The following SMARCA2 variants were observed in gnomAD, a reference collection of about 807,000 sequenced individuals.
SMARCA2 encodes the protein SWI/SNF-related matrix-associated actin-dependent regulator of chromatin subfamily A member 2.
A neutral mutation model predicts 199.8 loss-of-function variants in SMARCA2; 61 were observed. The observed-to-expected ratio is 0.31, with a 90% CI of 0.25 to 0.38. The LOEUF (loss-of-function observed/expected upper bound fraction) is 0.38, where lower values mean the gene tolerates loss of function less well. Ranked by LOEUF, SMARCA2 falls within the 10% of genes least tolerant of loss-of-function variation. The probability of loss-of-function intolerance (pLI) is 1.00; values close to 1 mark genes in which losing one functional copy is unlikely to be tolerated. For missense variants in SMARCA2, 1,344 were observed against 2,012.2 expected, an observed-to-expected ratio of 0.67 and a Z score of 6.35; for synonymous variants, 935 against 732.0, an observed-to-expected ratio of 1.28 and a Z score of -4.48.
At chr9:2,075,064 A>G (rs921540460) in intron 12 of SMARCA2, 2 of 152,416 alleles carry the variant, frequency 1.3e-5, no homozygotes, top group African/African-American at 4.8e-5. Context: ...CCTAGCCAGC[A>G]GGTGCCATCC....
intron 27 of SMARCA2, among the ~76,000 whole-genome samples, chr9:2,154,787 T>G (rs1169983875): frequency 6.6e-6 from 1 of 152,254 alleles, no homozygotes. Flanking sequence ...TTTGTGAGCA[T>G]TAAAACTATA....
intron 33 of SMARCA2, chr9:2,191,937 T>C (rs10811627): frequency 0.083 from 12,700 of 153,562 alleles, 678 homozygotes; most frequent in East Asian, 0.17. Context: ...AATAGGTACC[T>C]CCCTGTGTGG....
intron 27 of SMARCA2, among the ~76,000 whole-genome samples, chr9:2,124,178 T>TTTC (rs1823587960): frequency 6.6e-6 from 1 of 152,216 alleles, no homozygotes; most frequent in Non-Finnish European, 1.5e-5. Context: ...GCAGGATTTT[T>TTTC]TGCTAGAGCA....
chr9:2,038,795 C>A (rs545812372), intron 3 of SMARCA2, among the ~76,000 whole-genome samples: 15 of 152,292 alleles, frequency 9.8e-5, no homozygotes, highest in Admixed American at 2.0e-4. Flanking sequence ...GAGAACCCAA[C>A]TGTGACAGTT....
chr9:2,098,896 G>A (rs992730798), intron 21 of SMARCA2, among the ~76,000 whole-genome samples: 3 of 151,014 alleles, frequency 2.0e-5, no homozygotes, highest in Non-Finnish European at 2.9e-5. Context: ...GCAGTGAGCC[G>A]AGATCGCACC....
chr9:2,044,565 G>A (rs1481266020), intron 4 of SMARCA2: 3 of 152,228 alleles, frequency 2.0e-5, no homozygotes, highest in Non-Finnish European at 4.4e-5. Flanking sequence ...GGTTGAACAG[G>A]TAGACACTGT....
Position 2,017,538 on chromosome 9 carries a change from G to C in SMARCA2, c.-37+2134G>C, listed in dbSNP as rs1474753670. ...GAGGGCTGGTGGGGGTGGCGTGTGCGTGTGGTTGTGAGTGTGTGTGTGTGC... is the reference window on the plus strand; with the variant it reads ...GAGGGCTGGTGGGGGTGGCGTGTGCCTGTGGTTGTGAGTGTGTGTGTGTGC... On this transcript the variant is annotated intron_variant, in intron 1 of 33. Transcript: ENST00000349721. The surrounding 1 kb of genome is among the most constrained non-coding windows in gnomAD (Gnocchi z 8.8). The C allele has an allele frequency of 1.3e-5, 2 of 152,950 alleles. No individual in the cohort carries two copies. Among genetic ancestry groups the C allele is most frequent in the African/African-American group, 4.8e-5 (2 of 41,452 alleles). 9.5% of individuals were successfully genotyped at this position (152,950 alleles called of 1,614,324 possible).
chr9:2,095,134 G>GGAGT (rs1253051037), intron 19 of SMARCA2, among the ~76,000 whole-genome samples: 1 of 149,646 alleles, frequency 6.7e-6, no homozygotes, highest in Non-Finnish European at 1.5e-5. Context: ...CACCCAGGCT[G>GGAGT]GAGTGCAGTG....
At chr9:2,078,643 C>G (rs1199580454) in intron 14 of SMARCA2, among the ~76,000 whole-genome samples, 1 of 151,926 alleles carries the variant, frequency 6.6e-6, no homozygotes, top group Non-Finnish European at 1.5e-5. Flanking sequence ...ATGAATTGTT[C>G]CTTAAAAATT....
chr9:2,087,705 G>A (rs1346710050), intron 18 of SMARCA2, among the ~76,000 whole-genome samples: 1 of 152,146 alleles, frequency 6.6e-6, no homozygotes, highest in Non-Finnish European at 1.5e-5. Context: ...TGCAAGAAAA[G>A]AAATGGGCAC....
rs372976069 is a variant in SMARCA2, at chr9:2,192,730, T to A, written c.4764T>A (p.Asp1588Glu). The A allele has an allele frequency of 1.6e-5, 25 of 1,609,212 alleles. No individual in the cohort carries two copies. The highest frequency in any genetic ancestry group is 8.3e-5 in the Admixed American group (5 of 60,000). Residue 1588 changes from aspartate (D) to glutamate (E), a missense_variant, in exon 34 of 34, where the codon GAT becomes GAA. Transcript: ENST00000349721. ...AACAGTCAGAAGGAAGTGGGACGGA[T>A]GATGAGTGATCAGTATGGACCTTTT... Reference protein sequence around the residue: ...EREQSEGSGTDDE With the variant: ...EREQSEGSGTEDE
At chr9:2,032,226 T>C (rs1396741909) in intron 2 of SMARCA2, among the ~76,000 whole-genome samples, 11 of 152,372 alleles carry the variant, frequency 7.2e-5, no homozygotes, top group Admixed American at 4.6e-4. Flanking sequence ...CTTTTCCTTT[T>C]TCAAACACAT....
At position 2,169,497 on chromosome 9, in the gene SMARCA2, C is replaced by T. The variant is rs1213567894; in HGVS notation, c.4200-922C>T. On this transcript the variant is annotated intron_variant, in intron 28 of 33. Coordinates refer to ENST00000349721, the MANE Select transcript of SMARCA2 (RefSeq NM_003070.5). The surrounding 1 kb of genome is among the most constrained non-coding windows in gnomAD (Gnocchi z 6.5). ...AGAATTCTGTGTATTTTGAAGCGAG[C>T]ACATGCGCTTCCACCCCTCTGTTGA... Among the ~76,000 whole-genome samples the T allele has an allele frequency of 6.6e-6, 1 of 152,186 alleles. No individual in the cohort carries two copies. Among genetic ancestry groups the T allele is most frequent in the Non-Finnish European group, 1.5e-5 (1 of 68,036 alleles).
chr9:2,076,235 G>C lies in SMARCA2; in HGVS notation c.1942G>C (p.Glu648Gln). 1 of 1,587,298 alleles carries C rather than the reference G, an allele frequency of 6.3e-7. No homozygotes were observed. The highest frequency in any genetic ancestry group is 8.7e-7 in the Non-Finnish European group (1 of 1,155,866). ...SDSDYEEEDE[E>Q]EESSRQETEE... ...ATCTTTGTTCCTTTTCCAGGATGAG[G>C]AAGAAGAGTCCAGTAGGCAGGAAAC... The change falls in exon 13 of 34, where the codon GAA becomes CAA. Residue 648 changes from glutamate to glutamine, a missense_variant. Transcript: ENST00000349721.
chr9:2,015,821 G>C (rs1818330252), intron 1 of SMARCA2: 1 of 152,258 alleles, frequency 6.6e-6, no homozygotes, highest in South Asian at 2.1e-4. Context: ...ACACACATTG[G>C]GCCAGGTTGC....
Position 2,083,989 on chromosome 9 carries a change from C to T in SMARCA2, c.2416-97C>T, listed in dbSNP as rs986341768. 7.5e-6 allele frequency: 5 copies of T among 669,250 alleles called. No individual in the cohort carries two copies. The African/African-American group carries it at 9.0e-5, about 12-fold the overall frequency. 41.5% of individuals were successfully genotyped at this position (669,250 alleles called of 1,614,324 possible). On this transcript the variant is annotated intron_variant, in intron 16 of 33. Transcript: ENST00000349721. ...TGAGAATGTGTGTCTGTGCATTCTT[C>T]AGTCACATGTCTGGGCATCATTAAG...
rs1820438737 is a variant in SMARCA2, at chr9:2,058,201, C to T, written c.1348-90C>T. The T allele has an allele frequency of 2.7e-6, 3 of 1,130,348 alleles. No individual in the cohort carries two copies. The Admixed American group carries it at 5.4e-5, about 20-fold the overall frequency. The allele number at this position is 1,130,348 out of a possible 1,614,324, so 70.0% of individuals were successfully genotyped here. On this transcript the variant is annotated intron_variant, in intron 7 of 33. Coordinates refer to ENST00000349721, the MANE Select transcript of SMARCA2 (RefSeq NM_003070.5). ...GTCTTCCTATGCTGTTAAACACACA[C>T]TGAGAGTTTTCTTGGACAACACTGA...
intron 25 of SMARCA2, among the ~76,000 whole-genome samples, chr9:2,117,870 G>C (rs768137475): frequency 3.3e-5 from 5 of 152,172 alleles, no homozygotes; most frequent in Non-Finnish European, 7.3e-5. Flanking sequence ...CTTGTGTCCT[G>C]ATGTAAAGAT....
rs2130580030 is a variant in SMARCA2 at position 2,110,647 on chromosome 9, CTTAGT to C, written c.3456+233_3456+237del. On this transcript the variant is annotated intron_variant, in intron 24 of 33. Coordinates refer to ENST00000349721, the MANE Select transcript of SMARCA2 (RefSeq NM_003070.5). The surrounding 1 kb of genome is among the most constrained non-coding windows in gnomAD (Gnocchi z 4.8). The stretch of plus-strand genomic sequence containing the variant: ...TTGAGGTAGAAAAACTTAGTTTCTC[CTTAGT>C]TTTAATCCCATCTCTTGGGATTGCC... Among the ~76,000 whole-genome samples the C allele has an allele frequency of 6.6e-6, 1 of 152,280 alleles. No individual in the cohort carries two copies. Among genetic ancestry groups the C allele is most frequent in the Admixed American group, 6.5e-5 (1 of 15,302 alleles).
Sources: allele counts gnomAD v4.1 joint callset (sites outside exome capture counted in the v4.1 genomes callset), GRCh38; gene constraint gnomAD v4.1.1; non-coding constraint Gnocchi (gnomAD v3.1); transcripts MANE v1.5; gene names NCBI Gene and HGNC (gene_info 2026-07-23, HGNC 2026-07-21).